Variants in LCN2 observed in about 807,000 individuals in gnomAD.
The protein encoded by LCN2 is neutrophil gelatinase-associated lipocalin.
LCN2 carries 27 observed loss-of-function variants against 26.4 expected under a neutral mutation model. The ratio of observed to expected loss-of-function variants is 1.02; its 90% confidence interval spans 0.76 to 1.41. LCN2 has a LOEUF of 1.41. Among genes scored for constraint, LCN2 ranks in the 40% most tolerant of loss-of-function variants. The pLI is 0.00. For synonymous variants in LCN2, 94 were observed against 98.9 expected (o/e 0.95, Z 0.30); for missense variants, 224 against 237.6 (o/e 0.94, Z 0.38).
chr9:128,149,567 G>T lies in LCN2; in HGVS notation c.42G>T (p.Gly14=). The T allele has an allele frequency of 6.2e-7, 1 of 1,613,868 alleles. No individual in the cohort carries two copies. The highest frequency in any genetic ancestry group is 8.5e-7 in the Non-Finnish European group (1 of 1,179,922). ...TGTGGCTGGGCCTAGCCCTGTTGGG[G>T]GCTCTGCATGCCCAGGCCCAGGACT... The part of the protein sequence containing the change: ...GLLWLGLALL[G]ALHAQAQDST... The change falls in exon 1 of 7, where the codon GGG becomes GGT. Residue 14 remains glycine, a synonymous_variant. Transcript: ENST00000277480.
At position 128,153,358 on chromosome 9, in the gene LCN2, G is replaced by T. The variant is rs1829159964; in HGVS notation, c.*55G>T. 1.2e-5 allele frequency: 7 copies of T among 594,170 alleles called. No homozygotes were observed. The East Asian group carries it at 2.0e-4, about 17-fold the overall frequency. 36.8% of individuals were successfully genotyped at this position (594,170 alleles called of 1,614,324 possible). ...GCCCGAACACCATTGAGGGAGCTGGGAGACCCTCCCCACAGTGCCACCCAT... is the reference window on the plus strand; with the variant it reads ...GCCCGAACACCATTGAGGGAGCTGGTAGACCCTCCCCACAGTGCCACCCAT... On this transcript the variant is annotated 3_prime_UTR_variant, in exon 7 of 7. Coordinates refer to ENST00000277480, the MANE Select transcript of LCN2 (RefSeq NM_005564.5). The surrounding 1 kb of genome is among the most constrained non-coding windows in gnomAD (Gnocchi z 5.4).
At position 128,150,309 on chromosome 9, in the gene LCN2, G is replaced by A. The variant is rs1339044884; in HGVS notation, c.210G>A (p.Lys70=). The part of the protein sequence containing the change: ...AILREDKDPQ[K]MYATIYELKE... ...TCAGAGAAGACAAAGACCCGCAAAA[G>A]ATGTATGCCACCATCTATGAGCTGA... Residue 70 remains lysine, a synonymous_variant, in exon 2 of 7, where the codon AAG becomes AAA. Transcript: ENST00000277480. 1 of 1,614,194 alleles carries A rather than the reference G, an allele frequency of 6.2e-7. No individual in the cohort carries two copies. The highest frequency in any genetic ancestry group is 2.2e-5 in the East Asian group (1 of 44,880).
chr9:128,149,562 T>C lies in LCN2; in HGVS notation c.37T>C (p.Leu13=), dbSNP rs531041285. Residue 13 remains leucine, a synonymous_variant, in exon 1 of 7, where the codon TTG becomes CTG. Transcript: ENST00000277480. The part of the protein sequence containing the change: ...LGLLWLGLAL[L]GALHAQAQDS... Reference sequence around the variant, plus strand: ...TCTCCTGTGGCTGGGCCTAGCCCTGTTGGGGGCTCTGCATGCCCAGGCCCA... The same window carrying C: ...TCTCCTGTGGCTGGGCCTAGCCCTGCTGGGGGCTCTGCATGCCCAGGCCCA... 5.9e-5 allele frequency: 95 copies of C among 1,613,888 alleles called. No individual in the cohort carries two copies. Among genetic ancestry groups the C allele is most frequent in the South Asian group, 1.5e-4 (14 of 91,088 alleles).
chr9:128,153,204 T>C lies in LCN2; in HGVS notation c.*7+78T>C. 1 of 1,548,606 alleles carries C rather than the reference T, an allele frequency of 6.5e-7. No individual in the cohort carries two copies. The highest frequency in any genetic ancestry group is 8.9e-7 in the Non-Finnish European group (1 of 1,122,816). On this transcript the variant is annotated intron_variant, in intron 6 of 6. Transcript: ENST00000277480. This position sits in a 1 kb window ranked among gnomAD's most constrained non-coding sequence, Gnocchi z 5.4. ...GGGCTGGGGGTCTTGGGCCTGCCTT[T>C]GCTCATCCCCCTGCCCCCCAGCACT...
Position 128,153,165 on chromosome 9 carries a change from G to A in LCN2, c.*7+39G>A, listed in dbSNP as rs373628351. ...GGCGGCTGCGAGGGGGCTTGTGGGA[G>A]GCCAGGGTGCAGTGGGCTGGGGGTC... On this transcript the variant is annotated intron_variant, in intron 6 of 6. Transcript: ENST00000277480. This position sits in a 1 kb window ranked among gnomAD's most constrained non-coding sequence, Gnocchi z 5.4. The A allele has an allele frequency of 1.1e-4, 172 of 1,613,332 alleles. No individual in the cohort carries two copies. The highest frequency in any genetic ancestry group is 1.4e-4 in the Non-Finnish European group (163 of 1,179,722).
rs777034838 is a variant in LCN2, at chr9:128,149,513, C to G, written c.-13C>G. 13 of 1,591,576 alleles carry G rather than the reference C, an allele frequency of 8.2e-6. No homozygotes were observed. Among genetic ancestry groups the G allele is most frequent in the Admixed American group, 1.8e-5 (1 of 56,574 alleles). ...GCAGCCACCACAGCGCCTGCTTCCTCGGCCCTGAAATCATGCCCCTAGGTC... is the reference window on the plus strand; with the variant it reads ...GCAGCCACCACAGCGCCTGCTTCCTGGGCCCTGAAATCATGCCCCTAGGTC... On this transcript the variant is annotated 5_prime_UTR_variant, in exon 1 of 7. Coordinates refer to ENST00000277480, the MANE Select transcript of LCN2 (RefSeq NM_005564.5).
At position 128,149,600 on chromosome 9, in the gene LCN2, A is replaced by C; in HGVS notation, c.75A>C (p.Ser25=). 1 of 1,613,934 alleles carries C rather than the reference A, an allele frequency of 6.2e-7. No homozygotes were observed. The change falls in exon 1 of 7, where the codon TCA becomes TCC. Residue 25 remains serine, a synonymous_variant. Transcript: ENST00000277480. ...ALHAQAQDST[S]DLIPAPPLSK... The stretch of plus-strand genomic sequence containing the variant: ...ATGCCCAGGCCCAGGACTCCACCTC[A>C]GACCTGATCCCAGCCCCACCTCTGA...
chr9:128,153,099 G>C lies in LCN2; in HGVS notation c.578-1G>C, dbSNP rs1456083600. ...GTTCTGACGGACTTTCTCCCTAACA[G>C]ACCAGTGTATCGACGGCTGAGTGCA... On this transcript the variant is annotated splice_acceptor_variant, in intron 5 of 6. Transcript: ENST00000277480. LOFTEE classifies it high-confidence loss of function. This position sits in a 1 kb window ranked among gnomAD's most constrained non-coding sequence, Gnocchi z 5.4. 5.6e-6 allele frequency: 9 copies of C among 1,613,996 alleles called. No individual in the cohort carries two copies. Among genetic ancestry groups the C allele is most frequent in the Non-Finnish European group, 7.6e-6 (9 of 1,180,008 alleles).
At position 128,151,932 on chromosome 9, in the gene LCN2, G is replaced by C. The variant is rs141218430; in HGVS notation, c.382G>C (p.Val128Leu). 6.2e-7 allele frequency: 1 copy of C among 1,614,134 alleles called. No homozygotes were observed. The highest frequency in any genetic ancestry group is 1.7e-5 in the Admixed American group (1 of 60,028). ...KSYPGLTSYLVRVVSTNYNQH... is the reference protein window; with the variant it reads ...KSYPGLTSYLLRVVSTNYNQH... ...TTACCCTGGATTAACGAGTTACCTC[G>C]TCCGAGTGGTGAGCACCAACTACAA... The change falls in exon 4 of 7, where the codon GTC becomes CTC. Residue 128 changes from valine to leucine, a missense_variant. Val to Leu is a conservative substitution (Grantham distance 32). Coordinates refer to ENST00000277480, the MANE Select transcript of LCN2 (RefSeq NM_005564.5).
intron 5 of LCN2, among the ~76,000 whole-genome samples, chr9:128,152,846 G>C (rs1034152410): frequency 6.6e-6 from 1 of 152,178 alleles, no homozygotes; most frequent in Admixed American, 6.5e-5. Context: ...CTGGGTGCCC[G>C]AGGAGCCTGG....
Position 128,151,953 on chromosome 9 carries a change from T to C in LCN2, c.403T>C (p.Tyr135His), listed in dbSNP as rs368926734. The C allele has an allele frequency of 1.2e-6, 2 of 1,614,130 alleles. No individual in the cohort carries two copies. ...SYLVRVVSTN[Y>H]NQHAMVFFKK... ...CCTCGTCCGAGTGGTGAGCACCAAC[T>C]ACAACCAGCATGCTATGGTGTTCTT... is the stretch of plus-strand genomic sequence containing the variant. The change falls in exon 4 of 7, where the codon TAC becomes CAC. Residue 135 changes from tyrosine (Y) to histidine (H), a missense_variant. Physicochemically the swap from Tyr to His is moderately conservative, Grantham distance 83. Transcript: ENST00000277480.
chr9:128,153,039 CA>C lies in LCN2; in HGVS notation c.578-60del. 1 of 1,612,594 alleles carries C rather than the reference CA, an allele frequency of 6.2e-7. No individual in the cohort carries two copies. ...ACCTGGCAGTCAGGGATCACACACA[CA>C]CACTCATACACGCACACACACACAC... is the stretch of plus-strand genomic sequence containing the variant. On this transcript the variant is annotated intron_variant, in intron 5 of 6. Coordinates refer to ENST00000277480, the MANE Select transcript of LCN2 (RefSeq NM_005564.5). This position sits in a 1 kb window ranked among gnomAD's most constrained non-coding sequence, Gnocchi z 5.4.
At chr9:128,150,651 C>A (rs1329362791) in intron 2 of LCN2, 1 of 606,746 alleles carries the variant, frequency 1.6e-6, no homozygotes, top group African/African-American at 1.8e-5. Flanking sequence ...AGCCTGGAAC[C>A]CCACCCAGTG....
chr9:128,149,550 G>A lies in LCN2; in HGVS notation c.25G>A (p.Gly9Ser), dbSNP rs889515064. 6.2e-7 allele frequency: 1 copy of A among 1,613,608 alleles called. No individual in the cohort carries two copies. Among genetic ancestry groups the A allele is most frequent in the Non-Finnish European group, 8.5e-7 (1 of 1,179,858 alleles). The change falls in exon 1 of 7, where the codon GGC (glycine) becomes AGC (serine). Residue 9 changes from glycine (G) to serine (S), a missense_variant. Physicochemically the swap from Gly to Ser is moderately conservative, Grantham distance 56. Transcript: ENST00000277480. The stretch of plus-strand genomic sequence containing the variant: ...CATGCCCCTAGGTCTCCTGTGGCTG[G>A]GCCTAGCCCTGTTGGGGGCTCTGCA... Reference protein sequence around the residue: MPLGLLWLGLALLGALHAQ... With the variant: MPLGLLWLSLALLGALHAQ...
intron 5 of LCN2, 47 bp downstream of exon 5, chr9:128,152,331 G>A (rs775238279): frequency 2.6e-6 from 4 of 1,521,184 alleles, no homozygotes; most frequent in South Asian, 1.1e-5. Flanking sequence ...GGACTGTTCA[G>A]GCAGGATGCT....
rs1835010921 is a variant in LCN2 at position 128,151,896 on chromosome 9, A to G, written c.356-10A>G. ...GGGCAGGGCTGACCCCTCACCGTCCACGCCTGCAGGTTACCCTGGATTAAC... is the reference window on the plus strand; with the variant it reads ...GGGCAGGGCTGACCCCTCACCGTCCGCGCCTGCAGGTTACCCTGGATTAAC... On this transcript the variant is annotated splice_polypyrimidine_tract_variant and intron_variant, in intron 3 of 6. Transcript: ENST00000277480. 1.2e-6 allele frequency: 2 copies of G among 1,613,934 alleles called. No homozygotes were observed. Among genetic ancestry groups the G allele is most frequent in the African/African-American group, 1.3e-5 (1 of 74,930 alleles).
intron 2 of LCN2, 130 bp from the exon 3 acceptor site, chr9:128,151,508 T>G (rs1248559331): frequency 1.4e-6 from 1 of 720,370 alleles, no homozygotes; most frequent in Admixed American, 2.1e-5. Flanking sequence ...TAGTGGGGGA[T>G]GAGCTGTCAC....
chr9:128,151,534 G>A (rs1229173518), intron 2 of LCN2, 104 bp from the exon 3 acceptor site: 2 of 900,224 alleles, frequency 2.2e-6, no homozygotes, highest in African/African-American at 3.3e-5. Flanking sequence ...GGGCCGGACT[G>A]AGAGCAACAG....
At chr9:128,150,465 G>A (rs780902704) in intron 2 of LCN2, 91 bp downstream of exon 2, 22 of 1,527,018 alleles carry the variant, frequency 1.4e-5, no homozygotes, top group Middle Eastern at 1.7e-4. Context: ...CGTTCACCTC[G>A]CTGTTCTGCC....
Sources: allele counts gnomAD v4.1 joint callset (sites outside exome capture counted in the v4.1 genomes callset), GRCh38; gene constraint gnomAD v4.1.1; non-coding constraint Gnocchi (gnomAD v3.1); transcripts MANE v1.5; gene names NCBI Gene and HGNC (gene_info 2026-07-23, HGNC 2026-07-21).